Variants in MALRD1 observed in about 807,000 individuals in gnomAD.
MALRD1 encodes MAM and LDL receptor class A domain containing 1, also known as MAM and LDL-receptor class A domain-containing protein 1.
In MALRD1, 247 loss-of-function variants were observed where a neutral mutation model predicts 242.1. That is an observed-to-expected ratio of 1.02 (90% CI 0.92 to 1.13). MALRD1 has a LOEUF of 1.13. Among genes scored for constraint, MALRD1 ranks in the 50% most tolerant of loss-of-function variants. The pLI is 0.00. For missense variants in MALRD1, 2,989 were observed against 2,533.1 expected (o/e 1.18, Z -3.86); for synonymous variants, 995 against 866.6 (o/e 1.15, Z -2.60).
At chr10:19,141,584 C>T (rs1321690099) in intron 10 of MALRD1, among the ~76,000 whole-genome samples, 2 of 151,666 alleles carry the variant, frequency 1.3e-5, no homozygotes, top group African/African-American at 2.4e-5. Flanking sequence ...TTTATATATA[C>T]AATTTTCAAT....
intron 29 of MALRD1, among the ~76,000 whole-genome samples, chr10:19,473,855 A>G (rs1470338714): frequency 6.6e-6 from 1 of 152,106 alleles, no homozygotes; most frequent in Non-Finnish European, 1.5e-5. Flanking sequence ...GAACAGTTTG[A>G]TTATATGGTA....
chr10:19,331,368 G>T lies in MALRD1; in HGVS notation c.3688-1G>T, dbSNP rs890173935. On this transcript the variant is annotated splice_acceptor_variant, in intron 23 of 39. Transcript: ENST00000454679. LOFTEE classifies it high-confidence loss of function. ...TAACTGTAACTGGCTTTTTTTTTTA[G>T]ATTGTCTTCAGAGCCAAACGTGGTA... The T allele has an allele frequency of 1.0e-4, 159 of 1,538,906 alleles. 1 individual carries two copies. The Admixed American group carries it at 2.5e-3, about 24-fold the overall frequency.
At chr10:19,176,771 C>CATGCAAGTGTGTGTGTGT (rs1181122421) in intron 14 of MALRD1, among the ~76,000 whole-genome samples, 3 of 151,956 alleles carry the variant, frequency 2.0e-5, no homozygotes, top group African/African-American at 7.3e-5. Flanking sequence ...CGCATGTGTT[C>CATGCAAGTGTGTGTGTGT]ATGCAAGTGT....
chr10:19,659,855 GA>G (rs1841339185), intron 36 of MALRD1, among the ~76,000 whole-genome samples: 1 of 152,088 alleles, frequency 6.6e-6, no homozygotes, highest in Non-Finnish European at 1.5e-5. Flanking sequence ...TACTGAGGTA[GA>G]AAATTTCCTA....
At chr10:19,485,577 A>G (rs1837199012) in intron 29 of MALRD1, among the ~76,000 whole-genome samples, 1 of 151,784 alleles carries the variant, frequency 6.6e-6, no homozygotes, top group Non-Finnish European at 1.5e-5. Context: ...AAGGAGGCGG[A>G]CCTTGCAGTG....
At chr10:19,325,782 T>C (rs1843100239) in intron 22 of MALRD1, among the ~76,000 whole-genome samples, 1 of 152,114 alleles carries the variant, frequency 6.6e-6, no homozygotes, top group East Asian at 1.9e-4. Context: ...CCAAGAAATC[T>C]CTAGCATATT....
At chr10:19,336,661 AATTAAAAATATTTT>A (rs1361267304) in intron 24 of MALRD1, among the ~76,000 whole-genome samples, 16 of 152,168 alleles carry the variant, frequency 1.1e-4, no homozygotes, top group Non-Finnish European at 1.8e-4. Context: ...AATCACATTA[AATTAAAAATATTTT>A]GAAACAGAAA....
At chr10:19,380,638 G>A (rs1398798700) in intron 26 of MALRD1, among the ~76,000 whole-genome samples, 2 of 151,872 alleles carry the variant, frequency 1.3e-5, no homozygotes, top group South Asian at 4.2e-4. Flanking sequence ...ATATTATAAG[G>A]TTTAAAGTAA....
At chr10:19,236,453 A>G (rs1838321671) in intron 18 of MALRD1, among the ~76,000 whole-genome samples, 1 of 152,166 alleles carries the variant, frequency 6.6e-6, no homozygotes, top group Non-Finnish European at 1.5e-5. Context: ...GGAGTCTTGC[A>G]TTATGTAATA....
intron 38 of MALRD1, among the ~76,000 whole-genome samples, chr10:19,698,516 T>C (rs1833475726): frequency 2.0e-5 from 3 of 152,114 alleles, no homozygotes; most frequent in Non-Finnish European, 1.5e-5. Flanking sequence ...AGGATGAGAG[T>C]TTTTGAAGTT....
intron 14 of MALRD1, among the ~76,000 whole-genome samples, chr10:19,178,257 A>G (rs1268072089): frequency 1.3e-5 from 2 of 152,210 alleles, no homozygotes; most frequent in South Asian, 2.1e-4. Flanking sequence ...TGAAAGATCA[A>G]TGGATGTACA....
intron 36 of MALRD1, among the ~76,000 whole-genome samples, chr10:19,652,036 A>G (rs7087570): frequency 0.11 from 16,736 of 152,110 alleles, 2,367 homozygotes; most frequent in African/African-American, 0.33. Flanking sequence ...CCTTGGGGCG[A>G]TACTGTCTCA....
intron 33 of MALRD1, among the ~76,000 whole-genome samples, chr10:19,592,583 C>G (rs1225114288): frequency 6.6e-6 from 1 of 152,144 alleles, no homozygotes. Flanking sequence ...CAGGACAAGC[C>G]CAATGGCGAC....
At chr10:19,440,553 C>A (rs1589076996) in intron 28 of MALRD1, among the ~76,000 whole-genome samples, 1 of 152,082 alleles carries the variant, frequency 6.6e-6, no homozygotes, top group Non-Finnish European at 1.5e-5. Flanking sequence ...TCCAAGTGTT[C>A]TCATTGTTCA....
chr10:19,717,850 C>T (rs57516347), intron 38 of MALRD1, among the ~76,000 whole-genome samples: 9,421 of 151,964 alleles, frequency 0.062, 612 homozygotes, highest in African/African-American at 0.16. Context: ...AACCCTGTTT[C>T]TACTAAAAAT....
At chr10:19,290,336 A>G (rs532675130) in intron 21 of MALRD1, 1 of 152,172 alleles carries the variant, frequency 6.6e-6, no homozygotes, top group African/African-American at 2.4e-5. Flanking sequence ...CTTCTTGTAG[A>G]TGGAGGCATT....
intron 29 of MALRD1, among the ~76,000 whole-genome samples, chr10:19,475,371 C>T (rs1326013125): frequency 1.3e-5 from 2 of 152,146 alleles, no homozygotes; most frequent in Non-Finnish European, 2.9e-5. Flanking sequence ...GCTGAGATTG[C>T]ATCACTGCAT....
intron 38 of MALRD1, among the ~76,000 whole-genome samples, chr10:19,712,217 C>T (rs564786083): frequency 7.9e-5 from 12 of 152,220 alleles, no homozygotes; most frequent in South Asian, 2.1e-4. Context: ...GATGAAAAAA[C>T]GGTGAGCAAT....
At chr10:19,372,638 T>C (rs1034348848) in intron 26 of MALRD1, among the ~76,000 whole-genome samples, 1 of 151,836 alleles carries the variant, frequency 6.6e-6, no homozygotes, top group Non-Finnish European at 1.5e-5. Context: ...TGGCTAATTT[T>C]TGTATTTTTA....
Sources: gnomAD v4.1 joint callset for allele counts (sites outside exome capture counted in the v4.1 genomes callset) on GRCh38, gnomAD v4.1.1 for gene constraint, MANE v1.5 for transcripts, NCBI Gene and HGNC (gene_info 2026-07-23, HGNC 2026-07-21) for gene names.